NRXN1: variants seen among roughly 807,000 people sequenced by gnomAD.
NRXN1 encodes neurexin 1.
Under a neutral mutation model 150.9 loss-of-function variants are expected in NRXN1, and 39 were observed. The observed-to-expected ratio is 0.26, with a 90% confidence interval of 0.20 to 0.34. The LOEUF (loss-of-function observed/expected upper bound fraction) is 0.34. Ranked by LOEUF, NRXN1 falls within the 10% of genes least tolerant of loss-of-function variation. The pLI is 1.00. For synonymous variants in NRXN1, 924 were observed against 757.0 expected, an observed-to-expected ratio of 1.22 and a Z score of -3.62; for missense variants, 1,815 against 1,949.9, an observed-to-expected ratio of 0.93 and a Z score of 1.30.
At chr2:50,534,797 A>T (rs976726154) in intron 10 of NRXN1, among the ~76,000 whole-genome samples, 8 of 152,180 alleles carry the variant, frequency 5.3e-5, no homozygotes, top group African/African-American at 1.9e-4. Flanking sequence ...TTTTGAAATA[A>T]TCATATTCTT....
At chr2:50,647,910 A>G (rs1573955564) in intron 5 of NRXN1, among the ~76,000 whole-genome samples, 1 of 151,958 alleles carries the variant, frequency 6.6e-6, no homozygotes, top group Non-Finnish European at 1.5e-5. Context: ...ATTATACTAT[A>G]AATTGTACTG....
chr2:49,951,948 GC>G (rs1674050355), intron 21 of NRXN1, among the ~76,000 whole-genome samples: 1 of 151,942 alleles, frequency 6.6e-6, no homozygotes. Flanking sequence ...TTTCATTGTT[GC>G]CATGTTAGGG....
At chr2:50,294,733 T>A (rs1047648852) in intron 17 of NRXN1, among the ~76,000 whole-genome samples, 1 of 152,172 alleles carries the variant, frequency 6.6e-6, no homozygotes, top group Non-Finnish European at 1.5e-5. Context: ...TCCATGTTGT[T>A]TGATGAGTAA....
intron 2 of NRXN1, among the ~76,000 whole-genome samples, chr2:50,960,007 C>T (rs1400245901): frequency 3.3e-5 from 5 of 151,870 alleles, no homozygotes; most frequent in African/African-American, 4.8e-5. Flanking sequence ...AAAAATTCTC[C>T]GATGTTGAAA....
chr2:50,224,225 T>C (rs1410464387), intron 18 of NRXN1, among the ~76,000 whole-genome samples: 1 of 151,924 alleles, frequency 6.6e-6, no homozygotes, highest in Admixed American at 6.6e-5. Context: ...TTTTCCTTTG[T>C]ACAAAGAAAA....
At chr2:50,150,757 T>C (rs115938669) in intron 18 of NRXN1, among the ~76,000 whole-genome samples, 208 of 151,846 alleles carry the variant, frequency 1.4e-3, no homozygotes, top group African/African-American at 4.8e-3. Flanking sequence ...GCTTCCCATA[T>C]CACATCCAAA....
chr2:50,374,958 G>C (rs564251113), intron 17 of NRXN1, among the ~76,000 whole-genome samples: 1 of 152,236 alleles, frequency 6.6e-6, no homozygotes, highest in South Asian at 2.1e-4. Context: ...TTTTTATGCA[G>C]CTGGGATCAA....
intron 17 of NRXN1, among the ~76,000 whole-genome samples, chr2:50,369,100 A>C (rs1264404224): frequency 1.3e-5 from 2 of 151,910 alleles, no homozygotes; most frequent in Non-Finnish European, 2.9e-5. Context: ...GTACCTTCCC[A>C]GGGAGTCAGG....
intron 5 of NRXN1, among the ~76,000 whole-genome samples, chr2:50,723,403 C>A (rs1696919035): frequency 6.6e-6 from 1 of 152,120 alleles, no homozygotes; most frequent in Non-Finnish European, 1.5e-5. Flanking sequence ...TCTTCAAAAT[C>A]CAGTGTTCTG....
intron 2 of NRXN1, among the ~76,000 whole-genome samples, chr2:50,989,914 A>G (rs1698294874): frequency 6.6e-6 from 1 of 152,050 alleles, no homozygotes; most frequent in African/African-American, 2.4e-5. Flanking sequence ...AAACAACTTT[A>G]TCATTTCTCA....
intron 1 of NRXN1, among the ~76,000 whole-genome samples, chr2:51,031,042 C>T (rs561607593): frequency 1.3e-4 from 19 of 151,926 alleles, no homozygotes; most frequent in Admixed American, 1.0e-3. Flanking sequence ...AACCGTAGAG[C>T]AATATATATG....
intron 8 of NRXN1, among the ~76,000 whole-genome samples, chr2:50,559,011 G>C (rs1668659064): frequency 6.6e-6 from 1 of 152,130 alleles, no homozygotes; most frequent in Non-Finnish European, 1.5e-5. Flanking sequence ...GAACCTGGGA[G>C]GCAGACCTTG....
rs532510431 is a variant in NRXN1, at chr2:50,534,974, A to G, written c.2143+3279T>C. Among the ~76,000 whole-genome samples, 32 of 152,336 alleles carry G rather than the reference A, an allele frequency of 2.1e-4. No individual in the cohort carries two copies. In the East Asian group the frequency reaches 5.6e-3, roughly 27 times the overall value. On this transcript the variant is annotated intron_variant, in intron 10 of 22. Transcript: ENST00000401669. ...TTCTCCAGAAAGCTGCAGGACTGAA[A>G]TAACATAGTAAAGTAATAAAACTAG...
intron 5 of NRXN1, among the ~76,000 whole-genome samples, chr2:50,729,006 T>G (rs1697749917): frequency 6.6e-6 from 1 of 152,194 alleles, no homozygotes; most frequent in African/African-American, 2.4e-5. Context: ...GAAACCTTTT[T>G]TTCCCCTGCA....
intron 5 of NRXN1, among the ~76,000 whole-genome samples, chr2:50,742,125 T>C (rs1205632006): frequency 1.3e-5 from 2 of 152,144 alleles, no homozygotes; most frequent in African/African-American, 4.8e-5. Flanking sequence ...TATCACTTAT[T>C]TTGTCCCATT....
intron 2 of NRXN1, among the ~76,000 whole-genome samples, chr2:50,960,697 C>T (rs920635414): frequency 1.3e-5 from 2 of 151,910 alleles, no homozygotes; most frequent in Non-Finnish European, 2.9e-5. Context: ...GAAATGAGTG[C>T]TCAGAGTATT....
intron 11 of NRXN1, among the ~76,000 whole-genome samples, chr2:50,529,486 G>T (rs2093042221): frequency 6.6e-6 from 1 of 152,010 alleles, no homozygotes; most frequent in Non-Finnish European, 1.5e-5. Flanking sequence ...TAATTATAGT[G>T]GTTATTTTTA....
intron 21 of NRXN1, among the ~76,000 whole-genome samples, chr2:50,035,174 T>A (rs72889554): frequency 0.039 from 5,940 of 152,226 alleles, 118 homozygotes; most frequent in African/African-American, 0.047. Flanking sequence ...AATAAAAAGT[T>A]TGAATAATTT....
chr2:50,730,129 T>G (rs555434551), intron 5 of NRXN1, among the ~76,000 whole-genome samples: 7 of 151,518 alleles, frequency 4.6e-5, no homozygotes, highest in Non-Finnish European at 7.4e-5. Flanking sequence ...TGAAGAAGAG[T>G]TTTTTTTCAC....
Sources: gnomAD v4.1 joint callset for allele counts (sites outside exome capture counted in the v4.1 genomes callset) on GRCh38, gnomAD v4.1.1 for gene constraint, MANE v1.5 for transcripts, NCBI Gene and HGNC (gene_info 2026-07-23, HGNC 2026-07-21) for gene names.